The following MAP3K5 variants were observed in gnomAD, a reference collection of about 807,000 sequenced individuals.
MAP3K5 encodes the protein ASK-1.
MAP3K5 carries 56 observed loss-of-function variants against 158.7 expected under a neutral mutation model. The ratio of observed to expected loss-of-function variants is 0.35; its 90% CI spans 0.28 to 0.44. MAP3K5 has a LOEUF of 0.44. Ranked by LOEUF, MAP3K5 falls within the 20% of genes least tolerant of loss-of-function variation. The pLI, the probability that MAP3K5 is intolerant of heterozygous loss-of-function variation, is 1.00. For synonymous variants in MAP3K5, 579 were observed against 601.7 expected, an observed-to-expected ratio of 0.96 and a Z score of 0.55; for missense variants, 1,294 against 1,674.8, an observed-to-expected ratio of 0.77 and a Z score of 3.97.
intron 14 of MAP3K5, among the ~76,000 whole-genome samples, chr6:136,636,665 G>A (rs1436109863): frequency 2.0e-5 from 3 of 152,258 alleles, no homozygotes; most frequent in Non-Finnish European, 4.4e-5. Context: ...TCCAGCAGTC[G>A]GGTGCGGTGG....
chr6:136,652,331 C>T (rs1778553269), intron 10 of MAP3K5, among the ~76,000 whole-genome samples: 2 of 152,120 alleles, frequency 1.3e-5, no homozygotes, highest in South Asian at 4.1e-4. Context: ...CAAGAATTCT[C>T]AGTCAGTCTC....
intron 4 of MAP3K5, 48 bp from the exon 5 acceptor site, chr6:136,697,435 T>G: frequency 6.9e-7 from 1 of 1,456,978 alleles, no homozygotes; most frequent in Non-Finnish European, 9.4e-7. Flanking sequence ...AGAAACAATT[T>G]CAATGAAAAG....
intron 7 of MAP3K5, among the ~76,000 whole-genome samples, chr6:136,675,172 T>C (rs61220867): frequency 1.3e-5 from 2 of 151,958 alleles, no homozygotes; most frequent in Non-Finnish European, 1.5e-5. Context: ...CCTAATAGCA[T>C]GGCTTCAAAA....
At chr6:136,681,449 C>A (rs117815439) in intron 7 of MAP3K5, among the ~76,000 whole-genome samples, 3 of 152,100 alleles carry the variant, frequency 2.0e-5, no homozygotes, top group Admixed American at 6.5e-5. Context: ...TCCTGGGCAA[C>A]ACAGTGAGAC....
rs549300471 is a variant in MAP3K5 at position 136,663,609 on chromosome 6, T to C, written c.1367-4231A>G. 9.2e-5 allele frequency among the ~76,000 whole-genome samples: 13 copies of C among 140,892 alleles called. No individual in the cohort carries two copies. In the South Asian group the frequency reaches 2.6e-3, roughly 28 times the overall value. 92.4% of individuals were successfully genotyped at this position (140,892 alleles called of 152,430 possible). A position where few individuals can be genotyped will look rare whatever the true frequency, so the allele number is the denominator to read the frequency against. On this transcript the variant is annotated intron_variant, in intron 8 of 29. Coordinates refer to ENST00000359015, the MANE Select transcript of MAP3K5 (RefSeq NM_005923.4). ...TTTTATGTCTCTAAATTTCTCACTTTTTTTTTTTTTTTTTTTTGGAGAAAG... is the reference window on the plus strand; with the variant it reads ...TTTTATGTCTCTAAATTTCTCACTTCTTTTTTTTTTTTTTTTTGGAGAAAG...
At chr6:136,673,690 T>A (rs1779577562) in intron 7 of MAP3K5, among the ~76,000 whole-genome samples, 1 of 140,158 alleles carries the variant, frequency 7.1e-6, no homozygotes, top group African/African-American at 2.7e-5. Context: ...AGAAGGTATC[T>A]AAACTGAAGC....
chr6:136,671,321 C>A (rs1370051847), intron 7 of MAP3K5, among the ~76,000 whole-genome samples: 3 of 152,060 alleles, frequency 2.0e-5, no homozygotes, highest in East Asian at 3.8e-4. Flanking sequence ...TTACCACAAA[C>A]AATATATATT....
chr6:136,680,096 A>G (rs1228976304), intron 7 of MAP3K5, among the ~76,000 whole-genome samples: 1 of 152,032 alleles, frequency 6.6e-6, no homozygotes, highest in Admixed American at 6.6e-5. Context: ...ATATAATACC[A>G]CTTACATGAG....
intron 1 of MAP3K5, among the ~76,000 whole-genome samples, chr6:136,726,925 G>A (rs1295494663): frequency 6.6e-6 from 1 of 151,998 alleles, no homozygotes; most frequent in East Asian, 1.9e-4. Flanking sequence ...TCTGCAACTA[G>A]AAGGGATTTT....
intron 1 of MAP3K5, among the ~76,000 whole-genome samples, chr6:136,753,749 A>G (rs965576416): frequency 3.9e-5 from 6 of 152,210 alleles, no homozygotes; most frequent in African/African-American, 1.4e-4. Flanking sequence ...GCTTATCATC[A>G]TAAATAATGC....
chr6:136,611,240 C>A lies in MAP3K5; in HGVS notation c.2521+42G>T, dbSNP rs750949666. ...TTGTGCTCAAACTCAGCAATTATTT[C>A]TTTAATTACATAAGATCTGTATCAT... On this transcript the variant is annotated intron_variant, in intron 18 of 29. Transcript: ENST00000359015. 3 of 1,221,922 alleles carry A rather than the reference C, an allele frequency of 2.5e-6. No homozygotes were observed. The East Asian group carries it at 7.3e-5, about 30-fold the overall frequency. The allele number at this position is 1,221,922 out of a possible 1,614,324, so 75.7% of individuals were successfully genotyped here.
At chr6:136,629,764 T>C (rs1280776098) in intron 14 of MAP3K5, among the ~76,000 whole-genome samples, 1 of 118,030 alleles carries the variant, frequency 8.5e-6, no homozygotes, top group African/African-American at 3.4e-5. Context: ...ATATCTCACC[T>C]TCATTTATTT....
chr6:136,786,073 T>C (rs1157572281), intron 1 of MAP3K5, among the ~76,000 whole-genome samples: 1 of 152,152 alleles, frequency 6.6e-6, no homozygotes, highest in Non-Finnish European at 1.5e-5. Flanking sequence ...AGCATTGATG[T>C]CTTTTAAAAA....
chr6:136,777,705 T>C (rs1266523086), intron 1 of MAP3K5, among the ~76,000 whole-genome samples: 2 of 152,256 alleles, frequency 1.3e-5, no homozygotes, highest in Non-Finnish European at 2.9e-5. Flanking sequence ...ATGTTTTATG[T>C]ATATCAAATT....
At position 136,592,628 on chromosome 6, in the gene MAP3K5, G is replaced by A; in HGVS notation, c.2879-14C>T. 6.2e-7 allele frequency: 1 copy of A among 1,609,358 alleles called. No individual in the cohort carries two copies. The highest frequency in any genetic ancestry group is 8.5e-7 in the Non-Finnish European group (1 of 1,176,224). ...TCCTGAGATATTCTGCTTGTGATGA[G>A]AGGAGGGAAAAGATAATTGACACTT... On this transcript the variant is annotated splice_polypyrimidine_tract_variant and intron_variant, in intron 21 of 29. Coordinates refer to ENST00000359015, the MANE Select transcript of MAP3K5 (RefSeq NM_005923.4).
At chr6:136,558,925 T>C in intron 28 of MAP3K5, 49 bp from the exon 29 acceptor site, 1 of 926,692 alleles carries the variant, frequency 1.1e-6, no homozygotes, top group African/African-American at 1.6e-5. Context: ...ATAACTTTAA[T>C]AAAGCACAAA....
chr6:136,590,187 C>A (rs571493486), intron 23 of MAP3K5, among the ~76,000 whole-genome samples: 1 of 152,232 alleles, frequency 6.6e-6, no homozygotes, highest in Admixed American at 6.5e-5. Context: ...AGCATGAGGC[C>A]CTCACCAGAT....
chr6:136,789,137 A>C (rs1784963048), intron 1 of MAP3K5, among the ~76,000 whole-genome samples: 2 of 152,038 alleles, frequency 1.3e-5, no homozygotes, highest in South Asian at 4.1e-4. Flanking sequence ...CTCTACAAAA[A>C]AAACATAGTA....
intron 20 of MAP3K5, 102 bp from the exon 21 acceptor site, chr6:136,601,144 C>T: frequency 1.9e-6 from 2 of 1,064,590 alleles, no homozygotes; most frequent in Non-Finnish European, 2.8e-6. Context: ...GGTCAATGTC[C>T]TTTCCAAACA....
Sources: gnomAD v4.1 joint callset for allele counts (sites outside exome capture counted in the v4.1 genomes callset) on GRCh38, gnomAD v4.1.1 for gene constraint, MANE v1.5 for transcripts, NCBI Gene and HGNC (gene_info 2026-07-23, HGNC 2026-07-21) for gene names.